Variants in SRCAP observed in about 807,000 individuals in gnomAD.
SRCAP encodes the protein chromatin remodeling protein SRCAP.
Under a neutral mutation model 263.1 loss-of-function variants are expected in SRCAP, and 46 were observed. That is an observed-to-expected ratio of 0.17 (90% confidence interval 0.14 to 0.22). SRCAP has a LOEUF of 0.22. Ranked by LOEUF, SRCAP falls within the 10% of genes least tolerant of loss-of-function variation. SRCAP has a pLI of 1.00. For missense variants in SRCAP, 3,695 were observed against 4,181.9 expected (o/e 0.88, Z 3.21); for synonymous variants, 1,813 against 1,662.1 (o/e 1.09, Z -2.21).
intron 14 of SRCAP, 32 bp downstream of exon 14, chr16:30,712,847 A>G (rs758613976): frequency 1.2e-6 from 2 of 1,608,924 alleles, no homozygotes; most frequent in Admixed American, 1.7e-5. Context: ...CTTTCCTCCC[A>G]TTGATGCCTC....
At position 30,739,132 on chromosome 16, in the gene SRCAP, C is replaced by T. The variant is rs772873154; in HGVS notation, c.9092C>T (p.Ser3031Phe). 1 of 1,614,224 alleles carries T rather than the reference C, an allele frequency of 6.2e-7. No homozygotes were observed. The highest frequency in any genetic ancestry group is 8.5e-7 in the Non-Finnish European group (1 of 1,180,038). ...CCCGTCTTGGACCGTGACAGCACTT[C>T]TGTTCTCGAGAGCTGTGGATTGGGG... is the stretch of plus-strand genomic sequence containing the variant. ...QLPVLDRDST[S>F]VLESCGLGRR... The change falls in exon 34 of 34, where the codon TCT (serine) becomes TTT (phenylalanine). Residue 3031 changes from serine to phenylalanine, a missense_variant. Transcript: ENST00000262518.
Position 30,739,556 on chromosome 16 carries a change from T to G in SRCAP, c.9516T>G (p.Ser3172=), listed in dbSNP as rs759313919. The change falls in exon 34 of 34, where the codon TCT becomes TCG. Residue 3172 remains serine, a synonymous_variant. Coordinates refer to ENST00000262518, the MANE Select transcript of SRCAP (RefSeq NM_006662.3). ...PLGPEGSVEE[S]EAEASGEEEE... ...GGCCTGAGGGTTCAGTAGAGGAGTC[T>G]GAGGCTGAAGCCTCAGGTGAGGAGG... 2 of 1,609,328 alleles carry G rather than the reference T, an allele frequency of 1.2e-6. No homozygotes were observed. The highest frequency in any genetic ancestry group is 1.7e-6 in the Non-Finnish European group (2 of 1,177,980).
chr16:30,717,960 T>C (rs1486987977), intron 18 of SRCAP, among the ~76,000 whole-genome samples: 1 of 151,090 alleles, frequency 6.6e-6, no homozygotes, highest in Non-Finnish European at 1.5e-5. Context: ...TGTCTTGCCA[T>C]GTCGCTCAGG....
At position 30,737,037 on chromosome 16, in the gene SRCAP, CTGT is replaced by C. The variant is rs1415847413; in HGVS notation, c.7009-5_7009-3del. ...GCCTCCTCCTGACCACTTTTGGACC[CTGT>C]TGTTGTAGGAGCAAGTGGAAGCTGC... On this transcript the variant is annotated splice_polypyrimidine_tract_variant and intron_variant, in intron 33 of 33. Transcript: ENST00000262518. 3 of 1,571,420 alleles carry C rather than the reference CTGT, an allele frequency of 1.9e-6. No individual in the cohort carries two copies. Among genetic ancestry groups the C allele is most frequent in the Non-Finnish European group, 2.6e-6 (3 of 1,158,124 alleles).
chr16:30,737,250 G>A lies in SRCAP; in HGVS notation c.7210G>A (p.Ala2404Thr). 6.2e-7 allele frequency: 1 copy of A among 1,614,026 alleles called. No homozygotes were observed. Among genetic ancestry groups the A allele is most frequent in the Non-Finnish European group, 8.5e-7 (1 of 1,179,994 alleles). ...RVSERLRGAR[A>T]ETQGANHTPV... is the part of the protein sequence containing the mutation. ...CAGTGAGCGTCTTCGTGGAGCCCGG[G>A]CTGAGACTCAAGGGGCAAACCACAC... Residue 2404 changes from alanine to threonine, a missense_variant, in exon 34 of 34, where the codon GCT (alanine) becomes ACT (threonine). Ala to Thr is a moderately conservative substitution (Grantham distance 58). Around this residue, in one of 12 missense-constraint regions of SRCAP, gnomAD observed 1,207 missense variants for 1,142.9 expected, o/e 1.06. Coordinates refer to ENST00000262518, the MANE Select transcript of SRCAP (RefSeq NM_006662.3).
At chr16:30,708,440 A>G (rs755568182) in intron 6 of SRCAP, among the ~76,000 whole-genome samples, 3 of 151,804 alleles carry the variant, frequency 2.0e-5, no homozygotes, top group Non-Finnish European at 2.9e-5. Context: ...TCACCCCGTC[A>G]CCTAGGGCAG....
At chr16:30,701,566 C>T (rs2052766653) in intron 3 of SRCAP, 1 of 151,818 alleles carries the variant, frequency 6.6e-6, no homozygotes. Context: ...GGCTTATGTC[C>T]TGGAGTGAAT....
At chr16:30,714,712 G>A (rs1207415248) in intron 16 of SRCAP, among the ~76,000 whole-genome samples, 1 of 151,668 alleles carries the variant, frequency 6.6e-6, no homozygotes, top group East Asian at 1.9e-4. Context: ...TGTTGGCCAG[G>A]CTGGTCTCGA....
intron 4 of SRCAP, among the ~76,000 whole-genome samples, chr16:30,706,553 A>G (rs1005817071): frequency 6.6e-6 from 1 of 152,232 alleles, no homozygotes; most frequent in Non-Finnish European, 1.5e-5. Context: ...TAGAAGCTTT[A>G]GTAAAAATGA....
intron 27 of SRCAP, among the ~76,000 whole-genome samples, chr16:30,732,979 T>G (rs528681349): frequency 6.6e-6 from 1 of 152,144 alleles, no homozygotes; most frequent in Admixed American, 6.5e-5. Flanking sequence ...GGGATTACAG[T>G]CACCCGCCAT....
chr16:30,710,636 C>T, intron 8 of SRCAP, 118 bp from the exon 9 acceptor site: 1 of 1,027,218 alleles, frequency 9.7e-7, no homozygotes, highest in Non-Finnish European at 1.5e-6. Context: ...GGGATTATAC[C>T]AGTGGCAACT....
chr16:30,728,879 ATATT>A, intron 25 of SRCAP, 83 bp from the exon 26 acceptor site: 1 of 1,450,116 alleles, frequency 6.9e-7, no homozygotes, highest in Non-Finnish European at 9.2e-7. Context: ...TGGTTTCTAT[ATATT>A]TATTTCCATC....
At chr16:30,714,090 G>C (rs1225946171) in intron 16 of SRCAP, among the ~76,000 whole-genome samples, 1 of 141,858 alleles carries the variant, frequency 7.0e-6, no homozygotes, top group Non-Finnish European at 1.5e-5. Context: ...TTTTGAGACA[G>C]AGTTCACTCT....
At chr16:30,707,094 C>T (rs773294088) in intron 4 of SRCAP, 89 bp from the exon 5 acceptor site, 94 of 1,348,902 alleles carry the variant, frequency 7.0e-5, no homozygotes, top group Non-Finnish European at 9.3e-5. Flanking sequence ...ATAACACACT[C>T]AGCCCACTTA....
chr16:30,706,513 A>C (rs888263397), intron 4 of SRCAP, among the ~76,000 whole-genome samples: 5 of 152,162 alleles, frequency 3.3e-5, no homozygotes, highest in Admixed American at 6.5e-5. Flanking sequence ...AAAAAATTTT[A>C]AATGCTTTTT....
At chr16:30,726,874 T>G (rs958449859) in intron 25 of SRCAP, among the ~76,000 whole-genome samples, 4 of 152,064 alleles carry the variant, frequency 2.6e-5, no homozygotes, top group Non-Finnish European at 5.9e-5. Flanking sequence ...GCTAATTTTT[T>G]TATTTTTAGT....
intron 10 of SRCAP, among the ~76,000 whole-genome samples, chr16:30,711,360 G>A (rs535028023): frequency 5.3e-5 from 8 of 152,348 alleles, no homozygotes; most frequent in African/African-American, 1.9e-4. Context: ...GGCTCACCAG[G>A]TTGATAATGT....
At position 30,729,076 on chromosome 16, in the gene SRCAP, G is replaced by A; in HGVS notation, c.5769G>A (p.Leu1923=). The A allele has an allele frequency of 6.2e-7, 1 of 1,614,192 alleles. No individual in the cohort carries two copies. The highest frequency in any genetic ancestry group is 8.5e-7 in the Non-Finnish European group (1 of 1,180,036). ...CACCTGTGTATGGGACTGAAGTCCT[G>A]GATTTCTGTACCCTGCCCCAACCTG... ...ALAPVYGTEV[L]DFCTLPQPVA... Residue 1923 remains leucine, a synonymous_variant, in exon 26 of 34, where the codon CTG becomes CTA. Transcript: ENST00000262518.
Position 30,724,256 on chromosome 16 carries a change from T to C in SRCAP, c.4832T>C (p.Val1611Ala). Residue 1611 changes from valine (V) to alanine (A), a missense_variant, in exon 25 of 34, where the codon GTC becomes GCC. This residue lies in a region of SRCAP where 1,347 missense variants were observed against 1,304.4 expected (regional missense o/e 1.03). Transcript: ENST00000262518. ...GCTCCTCCTCTGGCTCCTCTTCCGG[T>C]CCTGGCACCATCGCCAGGTGCTGCT... The part of the protein sequence containing the change: ...SPAPPLAPLP[V>A]LAPSPGAAPV... 6.2e-7 allele frequency: 1 copy of C among 1,613,864 alleles called. No homozygotes were observed. The highest frequency in any genetic ancestry group is 1.1e-5 in the South Asian group (1 of 91,068).
Sources: gnomAD v4.1 joint callset for allele counts (sites outside exome capture counted in the v4.1 genomes callset) on GRCh38, gnomAD v4.1.1 for gene constraint, gnomAD v4.1.1 regional missense constraint, MANE v1.5 for transcripts, NCBI Gene and HGNC (gene_info 2026-07-23, HGNC 2026-07-21) for gene names.